CLEC16A: variants seen among roughly 807,000 people sequenced by gnomAD.
The protein encoded by CLEC16A is protein CLEC16A.
Under a neutral mutation model 109.5 loss-of-function variants are expected in CLEC16A, and 51 were observed. The observed-to-expected ratio is 0.47, with a 90% CI of 0.37 to 0.59. The LOEUF is 0.59. Ranked by LOEUF, CLEC16A falls within the 20% of genes least tolerant of loss-of-function variation. CLEC16A has a pLI of 0.00. For synonymous variants in CLEC16A, 673 were observed against 564.2 expected, an observed-to-expected ratio of 1.19 and a Z score of -2.73; for missense variants, 1,339 against 1,394.0, an observed-to-expected ratio of 0.96 and a Z score of 0.63.
intron 12 of CLEC16A, among the ~76,000 whole-genome samples, chr16:11,021,682 C>T (rs763865826): frequency 6.6e-6 from 1 of 152,116 alleles, no homozygotes. Flanking sequence ...CCTGTAGTCC[C>T]GGCTACTTGA....
At chr16:11,060,141 C>CACCA (rs902249147) in intron 18 of CLEC16A, among the ~76,000 whole-genome samples, 73 of 152,342 alleles carry the variant, frequency 4.8e-4, no homozygotes, top group African/African-American at 1.7e-3. Context: ...TCTGACCAGA[C>CACCA]ACCACTTCTA....
intron 18 of CLEC16A, among the ~76,000 whole-genome samples, chr16:11,059,558 C>A (rs184571356): frequency 7.9e-5 from 12 of 152,208 alleles, no homozygotes; most frequent in Non-Finnish European, 4.4e-5. Context: ...GAGTGCACCT[C>A]TTTGCAGACA....
At chr16:10,947,052 C>G (rs1328470190) in intron 1 of CLEC16A, among the ~76,000 whole-genome samples, 4 of 152,260 alleles carry the variant, frequency 2.6e-5, no homozygotes, top group Non-Finnish European at 5.9e-5. Flanking sequence ...TCTCTGGTTC[C>G]TTTGCAGTAT....
chr16:10,945,836 C>T (rs12598008), intron 1 of CLEC16A, among the ~76,000 whole-genome samples: 1 of 152,064 alleles, frequency 6.6e-6, no homozygotes, highest in East Asian at 1.9e-4. Flanking sequence ...CTTCTCCACT[C>T]TCTGCGATTA....
intron 11 of CLEC16A, among the ~76,000 whole-genome samples, chr16:11,013,832 G>C (rs146644014): frequency 6.6e-6 from 1 of 152,056 alleles, no homozygotes; most frequent in Non-Finnish European, 1.5e-5. Flanking sequence ...CTAGCTACTC[G>C]GGAGGCTGAG....
At chr16:11,128,302 C>T (rs1223799947) in intron 22 of CLEC16A, among the ~76,000 whole-genome samples, 4 of 152,220 alleles carry the variant, frequency 2.6e-5, no homozygotes, top group Admixed American at 6.5e-5. Flanking sequence ...CCTCTTCTAC[C>T]CTGCCTGGCC....
intron 10 of CLEC16A, among the ~76,000 whole-genome samples, chr16:10,986,545 C>T (rs569777982): frequency 2.8e-4 from 43 of 152,278 alleles, no homozygotes; most frequent in African/African-American, 1.0e-3. Flanking sequence ...TGGACAACAA[C>T]TCTCCATCCC....
At chr16:11,081,037 G>T (rs977399594) in intron 19 of CLEC16A, among the ~76,000 whole-genome samples, 1 of 152,220 alleles carries the variant, frequency 6.6e-6, no homozygotes, top group African/African-American at 2.4e-5. Flanking sequence ...GTAGGCAGAG[G>T]CTCTGCGGGA....
chr16:11,128,551 TGAG>T (rs1356946343), intron 22 of CLEC16A, among the ~76,000 whole-genome samples: 1 of 152,320 alleles, frequency 6.6e-6, no homozygotes, highest in East Asian at 1.9e-4. Flanking sequence ...CACTCAGCTA[TGAG>T]GAGTGAGATG....
chr16:11,040,069 G>T, intron 14 of CLEC16A, 193 bp downstream of exon 14: 1 of 597,076 alleles, frequency 1.7e-6, no homozygotes, highest in Non-Finnish European at 2.7e-6. Flanking sequence ...CTTAGCTCTG[G>T]GTCTCCTTTT....
At position 11,117,304 on chromosome 16, in the gene CLEC16A, G is replaced by A. The variant is rs75871888; in HGVS notation, c.2117-3311G>A. ...ATACTTAAAATAGGTGAACTTTATGGCGTGTAAATTATACTTTAATAAAAC... is the reference window on the plus strand; with the variant it reads ...ATACTTAAAATAGGTGAACTTTATGACGTGTAAATTATACTTTAATAAAAC... On this transcript the variant is annotated intron_variant, in intron 19 of 23. Coordinates refer to ENST00000409790, the MANE Select transcript of CLEC16A (RefSeq NM_015226.3). 1.1e-3 allele frequency among the ~76,000 whole-genome samples: 160 copies of A among 152,250 alleles called. 3 individuals carry two copies. In the East Asian group the frequency reaches 0.028, roughly 27 times the overall value.
intron 19 of CLEC16A, among the ~76,000 whole-genome samples, chr16:11,081,492 T>C (rs974810303): frequency 6.6e-6 from 1 of 152,130 alleles, no homozygotes; most frequent in African/African-American, 2.4e-5. Context: ...TAGCCCTGGC[T>C]CACGTCTCCC....
intron 12 of CLEC16A, chr16:11,024,554 C>T: frequency 2.6e-6 from 1 of 377,456 alleles, no homozygotes; most frequent in Non-Finnish European, 5.0e-6. Flanking sequence ...AATTGATTCC[C>T]TGTGTCTGGA....
At chr16:11,120,404 A>T (rs2153024117) in intron 19 of CLEC16A, among the ~76,000 whole-genome samples, 1 of 152,310 alleles carries the variant, frequency 6.6e-6, no homozygotes, top group Middle Eastern at 3.4e-3. Flanking sequence ...TCTCTTTATT[A>T]TCCAGATGAG....
At chr16:11,043,303 A>G (rs1219625212) in intron 15 of CLEC16A, among the ~76,000 whole-genome samples, 1 of 152,194 alleles carries the variant, frequency 6.6e-6, no homozygotes, top group African/African-American at 2.4e-5. Flanking sequence ...CCAGCTACTC[A>G]GAAGGCTGAG....
intron 10 of CLEC16A, among the ~76,000 whole-genome samples, chr16:10,989,253 C>T (rs143466495): frequency 1.6e-4 from 24 of 152,122 alleles, no homozygotes; most frequent in Non-Finnish European, 2.5e-4. Context: ...CAGGATCTCG[C>T]GTTGTTGCCC....
rs75454124 is a variant in CLEC16A at position 10,951,748 on chromosome 16, A to G, written c.81-6034A>G. On this transcript the variant is annotated intron_variant, in intron 1 of 23. Transcript: ENST00000409790. ...CAGTGGTTATCATTGTAAGAGAAAC[A>G]TTTTAATTTGCTGCCGTTAAGTAGC... 3.4e-3 allele frequency among the ~76,000 whole-genome samples: 523 copies of G among 152,386 alleles called. 2 individuals carry two copies. Among genetic ancestry groups the G allele is most frequent in the Middle Eastern group, 0.017 (5 of 294 alleles).
chr16:11,178,636 G>T lies in CLEC16A; in HGVS notation c.3108G>T (p.Glu1036Asp), dbSNP rs1335449253. ...CCACGCCGGCTGCCGCCTGCACAGA[G>T]CCCGTGGGCGAAGAGGCTGCATGTG... ...PLSTPAAACT[E>D]PVGEEAACAE... is the part of the protein sequence containing the mutation. Residue 1036 changes from glutamate to aspartate, a missense_variant, in exon 24 of 24, where the codon GAG becomes GAT. Transcript: ENST00000409790. This position sits in a 1 kb window ranked among gnomAD's most constrained non-coding sequence, Gnocchi z 6.5. 1.9e-6 allele frequency: 3 copies of T among 1,585,688 alleles called. No individual in the cohort carries two copies. The Admixed American group carries it at 5.1e-5, about 27-fold the overall frequency.
intron 22 of CLEC16A, among the ~76,000 whole-genome samples, chr16:11,132,939 G>A (rs536149695): frequency 1.2e-4 from 19 of 152,264 alleles, no homozygotes; most frequent in Admixed American, 6.5e-4. Flanking sequence ...TAAGGCCAGG[G>A]TATTTCTGTC....
Sources: allele counts gnomAD v4.1 joint callset (sites outside exome capture counted in the v4.1 genomes callset), GRCh38; gene constraint gnomAD v4.1.1; non-coding constraint Gnocchi (gnomAD v3.1); transcripts MANE v1.5; gene names NCBI Gene and HGNC (gene_info 2026-07-23, HGNC 2026-07-21).